ZEB2: variants seen among roughly 807,000 people sequenced by gnomAD.
The protein encoded by ZEB2 is zinc finger E-box binding homeobox 2.
A neutral mutation model predicts 99.9 loss-of-function variants in ZEB2; 6 were observed. That is an observed-to-expected ratio of 0.06 (90% CI 0.03 to 0.12). ZEB2 has a LOEUF of 0.12. ZEB2 is among the 10% of genes least tolerant of loss of function. The probability of loss-of-function intolerance (pLI) is 1.00; values close to 1 mark genes in which losing one functional copy is unlikely to be tolerated. For synonymous variants in ZEB2, 517 were observed against 542.5 expected (o/e 0.95, Z 0.65); for missense variants, 969 against 1,502.8 (o/e 0.64, Z 5.87).
At chr2:144,474,911 A>G (rs534113111) in intron 2 of ZEB2, among the ~76,000 whole-genome samples, 1 of 152,346 alleles carries the variant, frequency 6.6e-6, no homozygotes, top group South Asian at 2.1e-4. Flanking sequence ...TATTTATTAC[A>G]AGAATTACTT....
rs774127506 is a variant in ZEB2, at chr2:144,398,923, T to A, written c.2264A>T (p.Asp755Val). ...AGGTTTTGTTAGCCTGAGAGGAGGA[T>A]CACAATTCGTAACACTGTTGTGGAG... is the stretch of plus-strand genomic sequence containing the variant. ...AELHNSVTNCDPPLRLTKPSH... is the reference protein window; with the variant it reads ...AELHNSVTNCVPPLRLTKPSH... The change falls in exon 8 of 10, where the codon GAT becomes GTT. Residue 755 changes from aspartate (D) to valine (V), a missense_variant. This residue lies in a region of ZEB2 where 346 missense variants were observed against 460.0 expected (regional missense o/e 0.75). Coordinates refer to ENST00000627532, the MANE Select transcript of ZEB2 (RefSeq NM_014795.4). The A allele has an allele frequency of 6.2e-7, 1 of 1,614,034 alleles. No homozygotes were observed. The highest frequency in any genetic ancestry group is 1.3e-5 in the African/African-American group (1 of 74,908).
intron 2 of ZEB2, among the ~76,000 whole-genome samples, chr2:144,456,854 C>T (rs1427298): frequency 0.37 from 55,671 of 151,764 alleles, 11,178 homozygotes; most frequent in East Asian, 0.59. Flanking sequence ...GGTGACTGTT[C>T]TCTCATCTTG....
chr2:144,417,248 C>T (rs1056938431), intron 4 of ZEB2, among the ~76,000 whole-genome samples: 1 of 151,914 alleles, frequency 6.6e-6, no homozygotes, highest in East Asian at 1.9e-4. Context: ...TATCAACACC[C>T]CTAAAATTTT....
chr2:144,406,986 A>C (rs1703396794), intron 4 of ZEB2, among the ~76,000 whole-genome samples: 2 of 152,356 alleles, frequency 1.3e-5, no homozygotes, highest in Admixed American at 1.3e-4. Context: ...CAGTTTGTCA[A>C]GTTGGGAGAT....
At chr2:144,449,261 G>A (rs1321412313) in intron 2 of ZEB2, among the ~76,000 whole-genome samples, 1 of 152,178 alleles carries the variant, frequency 6.6e-6, no homozygotes. Context: ...GGAAGTCAGA[G>A]TAGAATCTGA....
intron 2 of ZEB2, among the ~76,000 whole-genome samples, chr2:144,476,230 C>A (rs957012278): frequency 2.6e-5 from 4 of 151,958 alleles, no homozygotes; most frequent in Non-Finnish European, 5.9e-5. Context: ...AACCACAGCA[C>A]CAAAGGCTTC....
Position 144,514,955 on chromosome 2 carries a change from C to T in ZEB2, c.73+2323G>A, listed in dbSNP as rs1336320972. 2.0e-5 allele frequency among the ~76,000 whole-genome samples: 3 copies of T among 152,298 alleles called. No individual in the cohort carries two copies. The South Asian group carries it at 6.2e-4, about 32-fold the overall frequency. On this transcript the variant is annotated intron_variant, in intron 2 of 9. Coordinates refer to ENST00000627532, the MANE Select transcript of ZEB2 (RefSeq NM_014795.4). ...CATCTCTGGCACTCCATTCCACCTG[C>T]GAAGCGCCCAACGGGCCTCCCTCTC...
Position 144,398,515 on chromosome 2 carries a change from G to A in ZEB2, c.2672C>T (p.Ala891Val), listed in dbSNP as rs1057147593. The change falls in exon 8 of 10, where the codon GCC (alanine) becomes GTC (valine). Residue 891 changes from alanine to valine, a missense_variant. Physicochemically the swap from Ala to Val is moderately conservative, Grantham distance 64. Around this residue, in one of 8 missense-constraint regions of ZEB2, gnomAD observed 346 missense variants for 460.0 expected, o/e 0.75. Transcript: ENST00000627532. ...NPVFSMNPFS[A>V]KPLYTALPPQ... is the part of the protein sequence containing the mutation. ...TGGAAGAGCTGTGTATAAAGGTTTG[G>A]CACTAAATGGGTTCATGCTGAACAC... 3.1e-6 allele frequency: 5 copies of A among 1,613,948 alleles called. No homozygotes were observed. The African/African-American group carries it at 6.7e-5, about 22-fold the overall frequency.
intron 2 of ZEB2, among the ~76,000 whole-genome samples, chr2:144,453,707 C>A (rs977796261): frequency 6.6e-6 from 1 of 152,124 alleles, no homozygotes; most frequent in East Asian, 1.9e-4. Flanking sequence ...CCCCCTCACC[C>A]CTTTTGTGGC....
At chr2:144,393,756 T>C (rs1703184074) in intron 9 of ZEB2, among the ~76,000 whole-genome samples, 1 of 152,178 alleles carries the variant, frequency 6.6e-6, no homozygotes, top group African/African-American at 2.4e-5. Context: ...TGCTGGAAAC[T>C]TGACAAGTTG....
chr2:144,479,792 C>T (rs1033368336), intron 2 of ZEB2, among the ~76,000 whole-genome samples: 2 of 151,396 alleles, frequency 1.3e-5, no homozygotes, highest in East Asian at 2.0e-4. Context: ...CCTATCTTTG[C>T]GACAGTTTTT....
intron 2 of ZEB2, among the ~76,000 whole-genome samples, chr2:144,444,064 T>G (rs1703952402): frequency 6.6e-6 from 1 of 152,172 alleles, no homozygotes; most frequent in Non-Finnish European, 1.5e-5. Flanking sequence ...AACAGAAACT[T>G]TTCTTTTTGG....
chr2:144,448,790 C>T (rs149313603), intron 2 of ZEB2: 1 of 152,326 alleles, frequency 6.6e-6, no homozygotes, highest in Non-Finnish European at 1.5e-5. Flanking sequence ...AAAATCAGGC[C>T]TTCATTTTGA....
At chr2:144,453,913 A>C (rs968009546) in intron 2 of ZEB2, among the ~76,000 whole-genome samples, 10 of 152,238 alleles carry the variant, frequency 6.6e-5, no homozygotes, top group African/African-American at 2.4e-4. Context: ...TATTGCTCAT[A>C]ATAGTGGTGA....
chr2:144,417,089 CTCT>C (rs1703550283), intron 4 of ZEB2, among the ~76,000 whole-genome samples: 1 of 152,196 alleles, frequency 6.6e-6, no homozygotes, highest in Non-Finnish European at 1.5e-5. Flanking sequence ...ATGACAGTGA[CTCT>C]TCTTTTCTCA....
chr2:144,512,429 G>C (rs916179282), intron 2 of ZEB2: 1 of 1,287,072 alleles, frequency 7.8e-7, no homozygotes, highest in African/African-American at 1.5e-5. Flanking sequence ...TTTTTCCCAG[G>C]AAATATTCTT....
chr2:144,453,892 T>C (rs992858815), intron 2 of ZEB2, among the ~76,000 whole-genome samples: 1 of 152,218 alleles, frequency 6.6e-6, no homozygotes, highest in Non-Finnish European at 1.5e-5. Flanking sequence ...AACTAAAGAA[T>C]TTAGCAAAAG....
chr2:144,477,036 T>C (rs1704439701), intron 2 of ZEB2, among the ~76,000 whole-genome samples: 1 of 152,206 alleles, frequency 6.6e-6, no homozygotes, highest in Non-Finnish European at 1.5e-5. Context: ...ATAAACTGTC[T>C]GGTAGATGTA....
intron 4 of ZEB2, among the ~76,000 whole-genome samples, chr2:144,423,873 T>C (rs1703653507): frequency 6.6e-6 from 1 of 152,178 alleles, no homozygotes; most frequent in African/African-American, 2.4e-5. Flanking sequence ...TTCATAAAAC[T>C]TCAAGTTATT....
Sources: gnomAD v4.1 joint callset for allele counts (sites outside exome capture counted in the v4.1 genomes callset) on GRCh38, gnomAD v4.1.1 for gene constraint, gnomAD v4.1.1 regional missense constraint, MANE v1.5 for transcripts, NCBI Gene and HGNC (gene_info 2026-07-23, HGNC 2026-07-21) for gene names.